The following GPHN variants were observed in gnomAD, a reference collection of about 807,000 sequenced individuals.
GPHN encodes gephyrin.
Under a neutral mutation model 95.5 loss-of-function variants are expected in GPHN, and 17 were observed. The observed-to-expected ratio is 0.18, with a 90% CI of 0.12 to 0.27. The LOEUF (loss-of-function observed/expected upper bound fraction) is 0.27, where lower values mean the gene tolerates loss of function less well. Ranked by LOEUF, GPHN falls within the 10% of genes least tolerant of loss-of-function variation. The pLI is 1.00. For missense variants in GPHN, 660 were observed against 978.1 expected, an observed-to-expected ratio of 0.67 and a Z score of 4.34; for synonymous variants, 320 against 322.5, an observed-to-expected ratio of 0.99 and a Z score of 0.08.
intron 2 of GPHN, among the ~76,000 whole-genome samples, chr14:66,687,219 A>C (rs1414624065): frequency 6.6e-6 from 1 of 152,146 alleles, no homozygotes; most frequent in Non-Finnish European, 1.5e-5. Flanking sequence ...GAAAGTTAAC[A>C]AAGATATCCA....
At chr14:66,871,647 C>T (rs1391480849) in intron 4 of GPHN, among the ~76,000 whole-genome samples, 4 of 152,148 alleles carry the variant, frequency 2.6e-5, no homozygotes, top group Admixed American at 6.5e-5. Flanking sequence ...AGCTGGAAGC[C>T]ATCATTCTCA....
At chr14:67,223,412 T>C in the GPHN span, among the ~76,000 whole-genome samples, 14 of 152,244 alleles carry the variant, frequency 9.2e-5, no homozygotes, top group Non-Finnish European at 1.8e-4. Flanking sequence ...AATGCTATCA[T>C]AGCTTACAAG....
chr14:66,521,035 AT>A (rs950447418), intron 1 of GPHN, among the ~76,000 whole-genome samples: 108 of 151,948 alleles, frequency 7.1e-4, no homozygotes, highest in African/African-American at 2.2e-3. Flanking sequence ...ACATGATCTC[AT>A]TTTTTTTATG....
At chr14:66,879,037 A>T (rs61386326) in intron 4 of GPHN, among the ~76,000 whole-genome samples, 1 of 151,890 alleles carries the variant, frequency 6.6e-6, no homozygotes, top group African/African-American at 2.4e-5. Flanking sequence ...ATAAAAAAGG[A>T]TGAGTTTATG....
At chr14:67,200,166 TC>T in the GPHN span, 2 of 1,159,444 alleles carry the variant, frequency 1.7e-6, no homozygotes, top group South Asian at 1.6e-5. Flanking sequence ...GTCCTATGCC[TC>T]CACATGGTAT....
chr14:67,341,129 C>A, the GPHN span, among the ~76,000 whole-genome samples: 1 of 152,190 alleles, frequency 6.6e-6, no homozygotes, highest in Non-Finnish European at 1.5e-5. Context: ...CTCTGCCTGG[C>A]CGCCCATCGT....
intron 1 of GPHN, among the ~76,000 whole-genome samples, chr14:66,514,285 A>G (rs1007942918): frequency 2.8e-4 from 42 of 152,176 alleles, no homozygotes; most frequent in African/African-American, 8.9e-4. Context: ...TTATATTTCA[A>G]GTGAGCTCCA....
At chr14:67,165,097 G>A in intron 19 of GPHN, 65 bp from the exon 20 acceptor site, 1 of 1,055,184 alleles carries the variant, frequency 9.5e-7, no homozygotes, top group Non-Finnish European at 1.5e-6. Flanking sequence ...AAAAACACTG[G>A]AGTACTTAAT....
chr14:66,935,479 G>GTA (rs1336473458), intron 8 of GPHN, among the ~76,000 whole-genome samples: 2 of 132,660 alleles, frequency 1.5e-5, no homozygotes, highest in East Asian at 2.2e-4. Flanking sequence ...ATGTGTATAT[G>GTA]TATATATATG....
Position 67,180,871 on chromosome 14 carries a change from G to A in GPHN, c.2244G>A (p.Lys748=), listed in dbSNP as rs1595521691. 1.2e-6 allele frequency: 2 copies of A among 1,613,828 alleles called. No individual in the cohort carries two copies. Among genetic ancestry groups the A allele is most frequent in the Admixed American group, 1.7e-5 (1 of 59,962 alleles). The part of the protein sequence containing the change: ...SANGLLMLPP[K]TEQYVELHKG... The stretch of plus-strand genomic sequence containing the variant: ...ATGGATTGTTGATGCTACCTCCAAA[G>A]ACAGAACAGTACGTGGAGCTCCACA... Residue 748 remains lysine, a synonymous_variant, in exon 23 of 23, where the codon AAG becomes AAA. Coordinates refer to ENST00000478722, the MANE Select transcript of GPHN (RefSeq NM_020806.5).
At chr14:67,591,104 CAAAT>C in the GPHN span, among the ~76,000 whole-genome samples, 2 of 151,840 alleles carry the variant, frequency 1.3e-5, no homozygotes, top group African/African-American at 4.8e-5. Context: ...AAAATAGATA[CAAAT>C]ACATAATATT....
chr14:66,781,449 C>A (rs1394507704), intron 3 of GPHN, among the ~76,000 whole-genome samples: 1 of 152,190 alleles, frequency 6.6e-6, no homozygotes, highest in East Asian at 1.9e-4. Context: ...ACCTCCTGAC[C>A]TGAAGTGATC....
rs111360915 is a variant in GPHN at position 66,565,057 on chromosome 14, A to G, written c.64+56466A>G. ...TTCCACCAAGCTATGATACTGATGCACTTCCTCCTAAAAATAAAGGATTTT... is the reference window on the plus strand; with the variant it reads ...TTCCACCAAGCTATGATACTGATGCGCTTCCTCCTAAAAATAAAGGATTTT... On this transcript the variant is annotated intron_variant, in intron 1 of 22. Transcript: ENST00000478722. 3.6e-3 allele frequency among the ~76,000 whole-genome samples: 551 copies of G among 152,226 alleles called. 10 individuals carry two copies. The highest frequency in any genetic ancestry group is 0.013 in the African/African-American group (525 of 41,534).
At chr14:67,711,602 T>C in the GPHN span, among the ~76,000 whole-genome samples, 5 of 152,344 alleles carry the variant, frequency 3.3e-5, 1 homozygote, top group Middle Eastern at 6.8e-3. Context: ...CATAAATGCA[T>C]TGACATATTA....
At chr14:67,621,824 C>T in the GPHN span, among the ~76,000 whole-genome samples, 11 of 151,358 alleles carry the variant, frequency 7.3e-5, no homozygotes, top group East Asian at 5.9e-4. Flanking sequence ...AAGCAGGGTG[C>T]GGTGGCTCAT....
At chr14:66,553,551 C>G (rs2140200567) in intron 1 of GPHN, among the ~76,000 whole-genome samples, 1 of 151,976 alleles carries the variant, frequency 6.6e-6, no homozygotes, top group Non-Finnish European at 1.5e-5. Context: ...ACTGTTAATC[C>G]TCTCCAATAA....
the GPHN span, among the ~76,000 whole-genome samples, chr14:67,245,818 A>G: frequency 1.3e-5 from 2 of 150,706 alleles, no homozygotes; most frequent in Middle Eastern, 3.4e-3. Flanking sequence ...TGAATATTGT[A>G]TCTAAGAACT....
the GPHN span, chr14:67,724,986 T>G: frequency 8.1e-7 from 1 of 1,231,124 alleles, no homozygotes; most frequent in Non-Finnish European, 1.2e-6. Context: ...ACTCTACCGT[T>G]GAAGGATGGC....
chr14:66,812,626 A>G (rs543505549), intron 3 of GPHN, among the ~76,000 whole-genome samples: 1 of 152,362 alleles, frequency 6.6e-6, no homozygotes, highest in African/African-American at 2.4e-5. Context: ...GAAGTGAAAA[A>G]GAAAGTAGCT....
Sources: gnomAD v4.1 joint callset for allele counts (sites outside exome capture counted in the v4.1 genomes callset) on GRCh38, gnomAD v4.1.1 for gene constraint, MANE v1.5 for transcripts, NCBI Gene and HGNC (gene_info 2026-07-23, HGNC 2026-07-21) for gene names.